Variants in SLC36A1 observed in about 807,000 individuals in gnomAD.
SLC36A1 encodes proton-coupled amino acid transporter 1.
SLC36A1 carries 30 observed loss-of-function variants against 47.5 expected under a neutral mutation model. The observed-to-expected ratio is 0.63, with a 90% CI of 0.47 to 0.86. The LOEUF is 0.86. Ranked by LOEUF, SLC36A1 falls within the 40% of genes least tolerant of loss-of-function variation. SLC36A1 has a pLI of 0.00. For missense variants in SLC36A1, 517 were observed against 606.0 expected (o/e 0.85, Z 1.54); for synonymous variants, 255 against 249.7 (o/e 1.02, Z -0.20).
the SLC36A1 span, among the ~76,000 whole-genome samples, chr5:151,523,316 G>C: frequency 6.6e-6 from 1 of 152,072 alleles, no homozygotes; most frequent in Non-Finnish European, 1.5e-5. Flanking sequence ...TGAGTACAAT[G>C]CTAGTCATTA....
the SLC36A1 span, among the ~76,000 whole-genome samples, chr5:151,533,819 C>T: frequency 6.6e-6 from 1 of 151,654 alleles, no homozygotes; most frequent in Non-Finnish European, 1.5e-5. Flanking sequence ...TATGTATATA[C>T]AATCAGAATA....
chr5:151,464,935 C>T (rs1191274630), intron 4 of SLC36A1, 139 bp from the exon 5 acceptor site: 5 of 684,918 alleles, frequency 7.3e-6, no homozygotes, highest in African/African-American at 1.8e-5. Flanking sequence ...TCTTTGAAAG[C>T]ACGAGATACA....
the SLC36A1 span, chr5:151,545,867 T>C: frequency 1.1e-5 from 17 of 1,614,196 alleles, 1 homozygote; most frequent in East Asian, 3.6e-4. Flanking sequence ...ATAGGAGCAT[T>C]GTCATTTTCA....
the SLC36A1 span, among the ~76,000 whole-genome samples, chr5:151,366,153 T>A: frequency 6.6e-6 from 1 of 152,206 alleles, no homozygotes; most frequent in Middle Eastern, 3.4e-3. Context: ...TTAACTGAAT[T>A]TGTGAAGTTG....
the SLC36A1 span, chr5:151,544,510 T>C: frequency 1.5e-5 from 24 of 1,613,912 alleles, no homozygotes; most frequent in Admixed American, 3.7e-4. Flanking sequence ...CTCCACAATG[T>C]TGTAGATGAG....
the SLC36A1 span, chr5:151,544,957 C>A: frequency 1.2e-6 from 2 of 1,614,172 alleles, no homozygotes; most frequent in Non-Finnish European, 1.7e-6. Context: ...AATAGAGACT[C>A]TGACCAAACC....
chr5:151,382,636 G>A, the SLC36A1 span, among the ~76,000 whole-genome samples: 75,226 of 151,938 alleles, frequency 0.5, 20,637 homozygotes, highest in African/African-American at 0.75. Flanking sequence ...GGGCACATGT[G>A]CTTGAGCCTG....
the SLC36A1 span, among the ~76,000 whole-genome samples, chr5:151,498,872 C>G: frequency 2.0e-5 from 3 of 152,174 alleles, no homozygotes; most frequent in East Asian, 5.8e-4. Flanking sequence ...CAGCTCCCTC[C>G]TCAGCAATGC....
chr5:151,520,555 C>G, the SLC36A1 span, among the ~76,000 whole-genome samples: 6 of 152,306 alleles, frequency 3.9e-5, no homozygotes, highest in Admixed American at 3.3e-4. Flanking sequence ...GAATGACAGT[C>G]ACCGTTGATC....
At chr5:151,534,970 AATAT>A in the SLC36A1 span, among the ~76,000 whole-genome samples, 23,145 of 106,512 alleles carry the variant, frequency 0.22, 3,305 homozygotes, top group East Asian at 0.44. Flanking sequence ...CTTCTAGGAA[AATAT>A]ATATATATAT....
At chr5:151,505,110 C>G in the SLC36A1 span, 1 of 244,610 alleles carries the variant, frequency 4.1e-6, no homozygotes, top group South Asian at 5.0e-5. Flanking sequence ...CTCTAGAGCT[C>G]CTCTGTACGG....
the SLC36A1 span, among the ~76,000 whole-genome samples, chr5:151,426,049 C>G: frequency 6.6e-6 from 1 of 151,918 alleles, no homozygotes; most frequent in East Asian, 1.9e-4. Context: ...GTATTAAACT[C>G]ACTTCTACCC....
At chr5:151,425,998 CTATCTATA>C in the SLC36A1 span, among the ~76,000 whole-genome samples, 51 of 151,218 alleles carry the variant, frequency 3.4e-4, no homozygotes, top group Admixed American at 7.3e-4. Flanking sequence ...ATCTATCTAT[CTATCTATA>C]CCTATGTCCA....
chr5:151,469,219 G>C, intron 7 of SLC36A1: 1 of 699,464 alleles, frequency 1.4e-6, no homozygotes, highest in Non-Finnish European at 2.6e-6. Flanking sequence ...GGGACCCGCT[G>C]TATGTGATTG....
At chr5:151,348,287 T>C in the SLC36A1 span, among the ~76,000 whole-genome samples, 2 of 152,188 alleles carry the variant, frequency 1.3e-5, no homozygotes, top group African/African-American at 4.8e-5. Context: ...AGGTCACACA[T>C]GAAATCCAGG....
intron 9 of SLC36A1, among the ~76,000 whole-genome samples, chr5:151,478,611 A>C (rs567111079): frequency 6.6e-6 from 1 of 152,216 alleles, no homozygotes; most frequent in Non-Finnish European, 1.5e-5. Context: ...TTTTGAAGGC[A>C]TGTACACCTG....
upstream of SLC36A1, among the ~76,000 whole-genome samples, chr5:151,432,822 C>T (rs1479270683): frequency 2.0e-5 from 3 of 152,106 alleles, no homozygotes; most frequent in African/African-American, 7.2e-5. Context: ...AGTCACACAG[C>T]AAGAAGCCTG....
the SLC36A1 span, among the ~76,000 whole-genome samples, chr5:151,513,790 G>A: frequency 7.2e-5 from 11 of 152,240 alleles, no homozygotes; most frequent in Admixed American, 5.2e-4. Context: ...AGGTATTTAT[G>A]TTGACATGTG....
the SLC36A1 span, among the ~76,000 whole-genome samples, chr5:151,502,863 G>T: frequency 3.4e-5 from 5 of 148,294 alleles, no homozygotes; most frequent in Non-Finnish European, 5.9e-5. Flanking sequence ...AGGTGAATGG[G>T]TAAATAAACT....
Sources: gnomAD v4.1 joint callset for allele counts (sites outside exome capture counted in the v4.1 genomes callset) on GRCh38, gnomAD v4.1.1 for gene constraint, MANE v1.5 for transcripts, NCBI Gene and HGNC (gene_info 2026-07-23, HGNC 2026-07-21) for gene names.